TONSL: variants seen among roughly 807,000 people sequenced by gnomAD.
TONSL encodes the protein tonsoku like, DNA repair protein.
Under a neutral mutation model 147.1 loss-of-function variants are expected in TONSL, and 112 were observed. The observed-to-expected ratio is 0.76, with a 90% CI of 0.65 to 0.89. The LOEUF is 0.89. Among genes scored for constraint, TONSL ranks in the 40% least tolerant of loss-of-function variants. The pLI is 0.00. For synonymous variants in TONSL, 868 were observed against 801.5 expected, an observed-to-expected ratio of 1.08 and a Z score of -1.40; for missense variants, 1,883 against 1,864.6, an observed-to-expected ratio of 1.01 and a Z score of -0.18.
chr8:144,432,444 C>T lies in TONSL; in HGVS notation c.3576G>A (p.Lys1192=), dbSNP rs141867261. The T allele has an allele frequency of 1.6e-4, 246 of 1,554,164 alleles. No individual in the cohort carries two copies. The highest frequency in any genetic ancestry group is 8.9e-4 in the Admixed American group (45 of 50,324). The change falls in exon 23 of 26, where the codon AAG becomes AAA. Residue 1192 remains lysine, a synonymous_variant. Transcript: ENST00000409379. ...GSAFQDAEHL[K]TLSLSYNALG... ...GGGCGTTGTAGGACAGGGACAGGGT[C>T]TTCAGGTGCTCAGCATCTGCACCGG... is the stretch of plus-strand genomic sequence containing the variant.
rs1350212862 is a variant in TONSL, at chr8:144,435,459, C to G, written c.2852+15G>C. The G allele has an allele frequency of 6.5e-7, 1 of 1,533,234 alleles. No homozygotes were observed. Among genetic ancestry groups the G allele is most frequent in the East Asian group, 2.5e-5 (1 of 40,626 alleles). The allele number at this position is 1,533,234 out of a possible 1,614,324, so 95.0% of individuals were successfully genotyped here. ...TGCACAGGTGGGCTGCGGGGTAGGG[C>G]AGGCGATGCCTCACCTGTGTGGGAC... On this transcript the variant is annotated intron_variant, in intron 18 of 25. Coordinates refer to ENST00000409379, the MANE Select transcript of TONSL (RefSeq NM_013432.5).
intron 23 of TONSL, among the ~76,000 whole-genome samples, chr8:144,431,764 C>G (rs1459260302): frequency 6.6e-6 from 1 of 151,820 alleles, no homozygotes; most frequent in Non-Finnish European, 1.5e-5. Flanking sequence ...CCGCCCGCCT[C>G]GGCCTCCCAA....
chr8:144,438,340 G>A, intron 13 of TONSL, 131 bp downstream of exon 13: 3 of 847,224 alleles, frequency 3.5e-6, no homozygotes, highest in Admixed American at 4.4e-5. Context: ...ACAGGCAAGT[G>A]CCACCATGCT....
At chr8:144,431,252 G>T in intron 23 of TONSL, 101 bp from the exon 24 acceptor site, 1 of 1,083,316 alleles carries the variant, frequency 9.2e-7, no homozygotes, top group Non-Finnish European at 1.4e-6. Flanking sequence ...GAAGGGAGCA[G>T]AGTCCCCCAT....
chr8:144,433,664 G>A lies in TONSL; in HGVS notation c.3483C>T (p.Thr1161=), dbSNP rs1212530521. The change falls in exon 22 of 26, where the codon ACC becomes ACT. Residue 1161 remains threonine, a synonymous_variant. Coordinates refer to ENST00000409379, the MANE Select transcript of TONSL (RefSeq NM_013432.5). The part of the protein sequence containing the change: ...SLLHACPLLS[T]LRLQACGFGP... ...CGAAGCCACACGCCTGCAGGCGCAG[G>A]GTGCTGAGTAAGGGGCAGGCGTGCA... is the stretch of plus-strand genomic sequence containing the variant. The A allele has an allele frequency of 1.2e-6, 2 of 1,613,096 alleles. No homozygotes were observed. Among genetic ancestry groups the A allele is most frequent in the Non-Finnish European group, 1.7e-6 (2 of 1,179,964 alleles).
intron 16 of TONSL, 40 bp from the exon 17 acceptor site, chr8:144,436,458 A>C (rs539539047): frequency 2.0e-6 from 3 of 1,536,274 alleles, no homozygotes; most frequent in African/African-American, 2.7e-5. Context: ...GGGGCCCGGC[A>C]CCTCCCGCTC....
In TONSL at chr8:144,429,116, T is replaced by C. The variant is rs1554877884; in HGVS notation, c.*27A>G. 1.3e-6 allele frequency: 2 copies of C among 1,498,544 alleles called. No homozygotes were observed. Among genetic ancestry groups the C allele is most frequent in the South Asian group, 2.5e-5 (2 of 80,836 alleles). 92.8% of individuals were successfully genotyped at this position (1,498,544 alleles called of 1,614,324 possible). ...CAGCTTCATTTATTAGGGGCTTCGG[T>C]GAGGGTGGGGAAAGGCAGCGCCAGG... On this transcript the variant is annotated 3_prime_UTR_variant, in exon 26 of 26. Transcript: ENST00000409379.
At chr8:144,442,178 T>C in intron 6 of TONSL, 27 bp from the exon 7 acceptor site, 1 of 1,601,736 alleles carries the variant, frequency 6.2e-7, no homozygotes, top group East Asian at 2.2e-5. Flanking sequence ...AGCAAAGGTT[T>C]TGCAGAATCC....
chr8:144,442,664 G>T lies in TONSL; in HGVS notation c.578+13C>A. On this transcript the variant is annotated intron_variant, in intron 5 of 25. Coordinates refer to ENST00000409379, the MANE Select transcript of TONSL (RefSeq NM_013432.5). ...GGGACTCCACTCCCTCCTGGGGCGGGGCAGGGCCTTACTCCGCAAGGAAGA... is the reference window on the plus strand; with the variant it reads ...GGGACTCCACTCCCTCCTGGGGCGGTGCAGGGCCTTACTCCGCAAGGAAGA... 1.9e-6 allele frequency: 3 copies of T among 1,611,094 alleles called. No homozygotes were observed. The highest frequency in any genetic ancestry group is 4.5e-5 in the East Asian group (2 of 44,880).
Position 144,436,671 on chromosome 8 carries a change from G to C in TONSL, c.1901C>G (p.Pro634Arg). 1.2e-6 allele frequency: 2 copies of C among 1,612,062 alleles called. No individual in the cohort carries two copies. The highest frequency in any genetic ancestry group is 1.7e-6 in the Non-Finnish European group (2 of 1,179,930). ...CACCCACTGCTGCAGCGTCTCCAGC[G>C]GGCTGAGGCCCTGTGTGGCATCAGT... ...VTLRTRKGLSPLETLQQWVKL... is the reference protein window; with the variant it reads ...VTLRTRKGLSRLETLQQWVKL... The change falls in exon 16 of 26, where the codon CCG (proline) becomes CGG (arginine). Residue 634 changes from proline (P) to arginine (R), a missense_variant. Pro to Arg is a moderately radical substitution (Grantham distance 103). Transcript: ENST00000409379.
At position 144,442,414 on chromosome 8, in the gene TONSL, T is replaced by C; in HGVS notation, c.579-2A>G. The C allele has an allele frequency of 6.5e-7, 1 of 1,534,444 alleles. No homozygotes were observed. Among genetic ancestry groups the C allele is most frequent in the Non-Finnish European group, 8.8e-7 (1 of 1,140,048 alleles). On this transcript the variant is annotated splice_acceptor_variant, in intron 5 of 25. Coordinates refer to ENST00000409379, the MANE Select transcript of TONSL (RefSeq NM_013432.5). LOFTEE classifies it high-confidence loss of function. ...AGGTCCTCGTAAAGGTGGTTCTGCCTGCAGAGGGGTGACGACCACTGAGCA... is the reference window on the plus strand; with the variant it reads ...AGGTCCTCGTAAAGGTGGTTCTGCCCGCAGAGGGGTGACGACCACTGAGCA...
rs753460752 is a variant in TONSL, at chr8:144,442,765, G to C, written c.490C>G (p.Leu164Val). ...AAGGTGAGGCCCAGGTTGAGATAGA[G>C]GCGGGTCCTCATCTCATTCAGCTCT... is the stretch of plus-strand genomic sequence containing the variant. ...QGELNEMRTRLYLNLGLTFES... is the reference protein window; with the variant it reads ...QGELNEMRTRVYLNLGLTFES... Residue 164 changes from leucine to valine, a missense_variant, in exon 5 of 26, where the codon CTC (leucine) becomes GTC (valine). Leu to Val is a conservative substitution (Grantham distance 32, BLOSUM62 1). Transcript: ENST00000409379. The C allele has an allele frequency of 1.2e-6, 2 of 1,612,858 alleles. No homozygotes were observed. The highest frequency in any genetic ancestry group is 2.2e-5 in the East Asian group (1 of 44,880).
At chr8:144,439,353 T>G (rs1487632284) in intron 11 of TONSL, among the ~76,000 whole-genome samples, 1 of 150,886 alleles carries the variant, frequency 6.6e-6, no homozygotes, top group African/African-American at 2.4e-5. Context: ...CTGATCCACC[T>G]CCCCCCAGCA....
Position 144,433,721 on chromosome 8 carries a change from C to T in TONSL, c.3426G>A (p.Gly1142=). 1 of 1,602,944 alleles carries T rather than the reference C, an allele frequency of 6.2e-7. No homozygotes were observed. The highest frequency in any genetic ancestry group is 8.5e-7 in the Non-Finnish European group (1 of 1,175,302). ...EELDLSMNPL[G]DGCGQSLASL... ...AGGCCAGGGACTGGCCACAGCCGTC[C>T]CCCAGGGGGTTCATGCTTAAGTCCA... The change falls in exon 22 of 26, where the codon GGG becomes GGA. Residue 1142 remains glycine, a synonymous_variant. Coordinates refer to ENST00000409379, the MANE Select transcript of TONSL (RefSeq NM_013432.5).
intron 22 of TONSL, 162 bp from the exon 23 acceptor site, chr8:144,432,622 C>T: frequency 1.5e-6 from 1 of 688,784 alleles, no homozygotes; most frequent in South Asian, 3.0e-5. Context: ...CCCAGATTCT[C>T]CCAGCTGGGA....
At chr8:144,435,414 C>T (rs528123707) in intron 18 of TONSL, 60 bp downstream of exon 18, 40 of 1,423,060 alleles carry the variant, frequency 2.8e-5, no homozygotes, top group South Asian at 1.7e-4. Flanking sequence ...CATGCAAACA[C>T]GAGCACCCTG....
At chr8:144,441,540 C>T (rs919965931) in intron 7 of TONSL, 3 of 198,192 alleles carry the variant, frequency 1.5e-5, no homozygotes, top group South Asian at 8.8e-5. Flanking sequence ...TGCAGTGAGC[C>T]GAGATCATGC....
At chr8:144,431,038 C>G in intron 24 of TONSL, 40 bp downstream of exon 24, 1 of 1,610,296 alleles carries the variant, frequency 6.2e-7, no homozygotes, top group African/African-American at 1.3e-5. Flanking sequence ...GCCATGAGAT[C>G]AGACCCCCAG....
chr8:144,440,757 A>G lies in TONSL; in HGVS notation c.1125T>C (p.Tyr375=), dbSNP rs1447270366. ...CGCTGCGCAGCCTCAGTTCCTCCTC[A>G]TAGTGGCGCACGGCCCCATGGTGGT... is the stretch of plus-strand genomic sequence containing the variant. ...MKDHHGAVRH[Y]EEELRLRSGN... is the part of the protein sequence containing the mutation. Residue 375 remains tyrosine, a synonymous_variant, in exon 9 of 26, where the codon TAT becomes TAC. Transcript: ENST00000409379. 1 of 1,612,874 alleles carries G rather than the reference A, an allele frequency of 6.2e-7. No individual in the cohort carries two copies. The highest frequency in any genetic ancestry group is 8.5e-7 in the Non-Finnish European group (1 of 1,179,966).
Sources: gnomAD v4.1 joint callset for allele counts (sites outside exome capture counted in the v4.1 genomes callset) on GRCh38, gnomAD v4.1.1 for gene constraint, MANE v1.5 for transcripts, NCBI Gene and HGNC (gene_info 2026-07-23, HGNC 2026-07-21) for gene names.